MTMR2: variants seen among roughly 807,000 people sequenced by gnomAD.
MTMR2 encodes phosphatidylinositol-3,5-bisphosphate 3-phosphatase MTMR2.
In MTMR2, 55 loss-of-function variants were observed where a neutral mutation model predicts 86.9. The ratio of observed to expected loss-of-function variants is 0.63; its 90% confidence interval spans 0.51 to 0.79. The LOEUF is 0.79. Among genes scored for constraint, MTMR2 ranks in the 30% least tolerant of loss-of-function variants. The pLI is 0.00. For missense variants in MTMR2, 659 were observed against 772.3 expected, an observed-to-expected ratio of 0.85 and a Z score of 1.74; for synonymous variants, 241 against 266.8, an observed-to-expected ratio of 0.90 and a Z score of 0.94.
chr11:95,837,396 T>G (rs1387816765), intron 13 of MTMR2, among the ~76,000 whole-genome samples: 6 of 152,042 alleles, frequency 3.9e-5, no homozygotes. Flanking sequence ...AAATAAAACA[T>G]AAATACTTTG....
chr11:95,879,591 T>G (rs1038402436), intron 2 of MTMR2, among the ~76,000 whole-genome samples: 4 of 152,212 alleles, frequency 2.6e-5, no homozygotes, highest in African/African-American at 9.6e-5. Context: ...TAGTATCACC[T>G]GTTTATGTAC....
intron 9 of MTMR2, among the ~76,000 whole-genome samples, chr11:95,848,440 T>G (rs1465286294): frequency 6.6e-6 from 1 of 152,148 alleles, no homozygotes; most frequent in Non-Finnish European, 1.5e-5. Context: ...AGAACAAGGA[T>G]AAAAGCACAG....
At chr11:95,892,611 C>T (rs921202412) in intron 1 of MTMR2, among the ~76,000 whole-genome samples, 3 of 152,238 alleles carry the variant, frequency 2.0e-5, no homozygotes, top group African/African-American at 7.2e-5. Context: ...TACTTCATCT[C>T]AGTCCATCCA....
chr11:95,872,165 T>A (rs1259823054), intron 2 of MTMR2, among the ~76,000 whole-genome samples: 1 of 152,208 alleles, frequency 6.6e-6, no homozygotes, highest in African/African-American at 2.4e-5. Flanking sequence ...AAGAAAGTCA[T>A]TGGCAGCTTG....
In MTMR2 at chr11:95,894,953, A is replaced by G. The variant is rs191239185; in HGVS notation, c.81-6692T>C. On this transcript the variant is annotated intron_variant, in intron 1 of 14. Coordinates refer to ENST00000346299, the MANE Select transcript of MTMR2 (RefSeq NM_016156.6). ...CAAAACTGTTTACTCCCACTGACAG[A>G]CACTCCAATTATACAAGATAATTTC... 2.0e-4 allele frequency among the ~76,000 whole-genome samples: 30 copies of G among 152,256 alleles called. No individual in the cohort carries two copies. The East Asian group carries it at 3.7e-3, about 19-fold the overall frequency.
In MTMR2 at chr11:95,882,937, G is replaced by A. The variant is rs1397607239; in HGVS notation, c.186+5219C>T. On this transcript the variant is annotated intron_variant, in intron 2 of 14. Coordinates refer to ENST00000346299, the MANE Select transcript of MTMR2 (RefSeq NM_016156.6). ...TTTTTTTTTGTATTTTTAGAGAGAC[G>A]GGGTTTCACCGTGTTAGCCAGGATG... Among the ~76,000 whole-genome samples, 3 of 133,608 alleles carry A rather than the reference G, an allele frequency of 2.2e-5. No individual in the cohort carries two copies. The Admixed American group carries it at 2.5e-4, about 11-fold the overall frequency. The allele number at this position is 133,608 out of a possible 152,430, so 87.7% of individuals were successfully genotyped here. A position where few individuals can be genotyped will look rare whatever the true frequency, so the allele number is the denominator to read the frequency against.
At chr11:95,898,292 G>A (rs1164548729) in intron 1 of MTMR2, among the ~76,000 whole-genome samples, 2 of 147,990 alleles carry the variant, frequency 1.4e-5, no homozygotes, top group South Asian at 2.1e-4. Flanking sequence ...TTTTTTCTTA[G>A]TTCTGATTCT....
At chr11:95,856,189 C>G (rs1590990808) in intron 7 of MTMR2, among the ~76,000 whole-genome samples, 1 of 152,058 alleles carries the variant, frequency 6.6e-6, no homozygotes, top group South Asian at 2.1e-4. Flanking sequence ...AAAAAATACT[C>G]AGGAAACCAA....
Position 95,858,594 on chromosome 11 carries a change from C to T in MTMR2, c.507G>A (p.Gly169=), listed in dbSNP as rs753188177. The T allele has an allele frequency of 1.2e-6, 2 of 1,612,714 alleles. No individual in the cohort carries two copies. Among genetic ancestry groups the T allele is most frequent in the South Asian group, 1.1e-5 (1 of 91,052 alleles). The change falls in exon 6 of 15, where the codon GGG becomes GGA. Residue 169 remains glycine, a synonymous_variant. Transcript: ENST00000346299. ...RNLRFAHKPE[G]RTRRSIFENL... ...TCTCAAATATGGATCTTCTTGTCCGCCCCTCAGGTTTATGAGCAAATCGTA... is the reference window on the plus strand; with the variant it reads ...TCTCAAATATGGATCTTCTTGTCCGTCCCTCAGGTTTATGAGCAAATCGTA...
chr11:95,861,402 G>GTTGTTATTATTATTATTA (rs1555064755), intron 5 of MTMR2, among the ~76,000 whole-genome samples: 21 of 140,970 alleles, frequency 1.5e-4, no homozygotes, highest in African/African-American at 4.7e-4. Context: ...ATTAAAGATG[G>GTTGTTATTATTATTATTA]TTATTATTAT....
intron 14 of MTMR2, 76 bp from the exon 15 acceptor site, chr11:95,835,527 C>G: frequency 6.8e-7 from 1 of 1,476,428 alleles, no homozygotes; most frequent in Non-Finnish European, 9.4e-7. Context: ...CTAAATGTTG[C>G]AGTGTATGTT....
At chr11:95,842,902 G>T (rs1198531006) in intron 11 of MTMR2, among the ~76,000 whole-genome samples, 2 of 152,012 alleles carry the variant, frequency 1.3e-5, no homozygotes, top group Admixed American at 1.3e-4. Flanking sequence ...AAAAATTACT[G>T]ATTTTATTAA....
At chr11:95,865,363 G>A in intron 3 of MTMR2, 1 of 504,166 alleles carries the variant, frequency 2.0e-6, no homozygotes, top group Non-Finnish European at 3.5e-6. Context: ...ACAAACCAGA[G>A]AAGAGGCAAA....
At chr11:95,891,131 A>G (rs983900131) in intron 1 of MTMR2, among the ~76,000 whole-genome samples, 1 of 152,178 alleles carries the variant, frequency 6.6e-6, no homozygotes, top group Non-Finnish European at 1.5e-5. Flanking sequence ...TTGACAGACT[A>G]TTGTAGCATG....
rs770074296 is a variant in MTMR2 at position 95,836,209 on chromosome 11, A to G, written c.1709T>C (p.Met570Thr). The G allele has an allele frequency of 6.2e-7, 1 of 1,613,020 alleles. No homozygotes were observed. Among genetic ancestry groups the G allele is most frequent in the Admixed American group, 1.7e-5 (1 of 59,926 alleles). ...TCCCACCCAGAGCTCTAGGTGGCGC[A>G]TGCTGGCTACTGGATAAAGGACATG... ...SNHVLYPVASMRHLELWVGYY... is the reference protein window; with the variant it reads ...SNHVLYPVASTRHLELWVGYY... The change falls in exon 14 of 15, where the codon ATG becomes ACG. Residue 570 changes from methionine to threonine, a missense_variant. This residue lies in a region of MTMR2 where 193 missense variants were observed against 191.6 expected (regional missense o/e 1.01). Coordinates refer to ENST00000346299, the MANE Select transcript of MTMR2 (RefSeq NM_016156.6).
intron 7 of MTMR2, among the ~76,000 whole-genome samples, chr11:95,856,700 A>AT (rs537771619): frequency 2.2e-4 from 33 of 151,916 alleles, no homozygotes; most frequent in African/African-American, 7.5e-4. Flanking sequence ...ACTTCAACTT[A>AT]TTTTTTTTCA....
Position 95,834,577 on chromosome 11 carries a change from G to T in MTMR2, c.*713C>A, listed in dbSNP as rs1164008684. ...TTCTGGTAATTGGGCTAATCTGAAG[G>T]GCATGGAATTCTTTGAACTCCTGTA... On this transcript the variant is annotated 3_prime_UTR_variant, in exon 15 of 15. Coordinates refer to ENST00000346299, the MANE Select transcript of MTMR2 (RefSeq NM_016156.6). 3 of 151,888 alleles carry T rather than the reference G, an allele frequency of 2.0e-5. No individual in the cohort carries two copies. The highest frequency in any genetic ancestry group is 7.3e-5 in the African/African-American group (3 of 41,340). 9.4% of individuals were successfully genotyped at this position (151,888 alleles called of 1,614,324 possible). A position where few individuals can be genotyped will look rare whatever the true frequency, so the allele number is the denominator to read the frequency against.
intron 7 of MTMR2, among the ~76,000 whole-genome samples, chr11:95,852,768 T>C (rs1490937325): frequency 2.0e-5 from 3 of 152,212 alleles, no homozygotes; most frequent in Non-Finnish European, 1.5e-5. Flanking sequence ...CCGGGCACGG[T>C]GGCTCACGCC....
At position 95,924,046 on chromosome 11, in the gene MTMR2, C is replaced by G; in HGVS notation, c.-92G>C. ...AGGGCGGAGTGCTACGGACCGGGGC[C>G]GCAGTCAGGCCAGCGCCGGCCCGGG... On this transcript the variant is annotated 5_prime_UTR_variant, in exon 1 of 15. Transcript: ENST00000346299. The G allele has an allele frequency of 6.7e-7, 1 of 1,493,796 alleles. No individual in the cohort carries two copies. Among genetic ancestry groups the G allele is most frequent in the Non-Finnish European group, 9.1e-7 (1 of 1,096,976 alleles). The allele number at this position is 1,493,796 out of a possible 1,614,324, so 92.5% of individuals were successfully genotyped here.
Sources: allele counts gnomAD v4.1 joint callset (sites outside exome capture counted in the v4.1 genomes callset), GRCh38; gene constraint gnomAD v4.1.1; regional missense constraint gnomAD v4.1.1; transcripts MANE v1.5; gene names NCBI Gene and HGNC (gene_info 2026-07-23, HGNC 2026-07-21).